The following MUSK variants were observed in gnomAD, a reference collection of about 807,000 sequenced individuals.
MUSK encodes the protein muscle, skeletal receptor tyrosine-protein kinase.
MUSK carries 55 observed loss-of-function variants against 88.7 expected under a neutral mutation model. The observed-to-expected ratio is 0.62, with a 90% confidence interval of 0.50 to 0.78. MUSK has a LOEUF of 0.78. Ranked by LOEUF, MUSK falls within the 30% of genes least tolerant of loss-of-function variation. The pLI is 0.00. For missense variants in MUSK, 1,015 were observed against 1,074.3 expected (o/e 0.94, Z 0.77); for synonymous variants, 387 against 391.9 (o/e 0.99, Z 0.15).
At chr9:110,765,702 T>C (rs1464087436) in intron 8 of MUSK, among the ~76,000 whole-genome samples, 1 of 151,560 alleles carries the variant, frequency 6.6e-6, no homozygotes, top group Admixed American at 6.6e-5. Context: ...GCCCCTCGAG[T>C]AGCTGGGATT....
intron 7 of MUSK, among the ~76,000 whole-genome samples, chr9:110,758,181 C>T (rs947880629): frequency 2.6e-5 from 4 of 152,128 alleles, no homozygotes; most frequent in African/African-American, 9.7e-5. Flanking sequence ...TCAGACTGGT[C>T]TTGAATTCCT....
At position 110,672,620 on chromosome 9, in the gene MUSK, G is replaced by A. The variant is rs369259321; in HGVS notation, c.79+3637G>A. Among the ~76,000 whole-genome samples the A allele has an allele frequency of 8.8e-4, 133 of 151,790 alleles. 3 individuals carry two copies. The South Asian group carries it at 0.022, about 25-fold the overall frequency. ...AGGATATTTAATGCTTGGAAGAGAA[G>A]GTTAAAAAGTTTAAACCAACCCCAA... On this transcript the variant is annotated intron_variant, in intron 1 of 14. Coordinates refer to ENST00000374448, the MANE Select transcript of MUSK (RefSeq NM_005592.4).
chr9:110,752,961 A>T (rs1175946060), intron 7 of MUSK, among the ~76,000 whole-genome samples: 1 of 152,152 alleles, frequency 6.6e-6, no homozygotes, highest in East Asian at 1.9e-4. Flanking sequence ...TCACAACCCC[A>T]TAAAGCCTCA....
chr9:110,711,764 T>C (rs2076674375), intron 5 of MUSK, among the ~76,000 whole-genome samples: 1 of 152,188 alleles, frequency 6.6e-6, no homozygotes, highest in Non-Finnish European at 1.5e-5. Context: ...AATAAGGCCA[T>C]ACTCACTTTG....
At chr9:110,698,655 G>A (rs116450692) in intron 5 of MUSK, among the ~76,000 whole-genome samples, 180 of 151,992 alleles carry the variant, frequency 1.2e-3, no homozygotes, top group African/African-American at 4.1e-3. Flanking sequence ...TTATGTCATT[G>A]TACCAATTGC....
chr9:110,761,511 TTTTC>T lies in MUSK; in HGVS notation c.914-687_914-684del, dbSNP rs200594038. Among the ~76,000 whole-genome samples, 1,043 of 151,784 alleles carry T rather than the reference TTTTC, an allele frequency of 6.9e-3. 11 individuals carry two copies. The highest frequency in any genetic ancestry group is 0.024 in the African/African-American group (1,005 of 41,268). On this transcript the variant is annotated intron_variant, in intron 7 of 14. Coordinates refer to ENST00000374448, the MANE Select transcript of MUSK (RefSeq NM_005592.4). ...CTTTTCTTTTCTCCTTCTCCTTCTT[TTTTC>T]TTTTTTTCCAAGTCTGCTTTATGCA...
intron 6 of MUSK, among the ~76,000 whole-genome samples, chr9:110,740,983 T>C (rs1365770345): frequency 3.3e-5 from 5 of 152,024 alleles, no homozygotes; most frequent in Admixed American, 6.6e-5. Context: ...CTGTCAGGGA[T>C]GGGAGGATGG....
At chr9:110,708,641 A>G (rs940706939) in intron 5 of MUSK, among the ~76,000 whole-genome samples, 2 of 152,196 alleles carry the variant, frequency 1.3e-5, no homozygotes, top group Non-Finnish European at 2.9e-5. Context: ...ATATTATGGT[A>G]TATTATGGTA....
At chr9:110,786,631 G>A (rs1329022527) in intron 13 of MUSK, among the ~76,000 whole-genome samples, 3 of 151,892 alleles carry the variant, frequency 2.0e-5, no homozygotes, top group South Asian at 2.1e-4. Context: ...ATAATATAAT[G>A]TATAGATATT....
Position 110,755,935 on chromosome 9 carries a change from T to TATATATATATATACATATATATAAC in MUSK, c.914-6254_914-6253insCATATATATAACATATATATATATA, listed in dbSNP as rs1564268522. Among the ~76,000 whole-genome samples, 36 of 77,658 alleles carry TATATATATATATACATATATATAAC rather than the reference T, an allele frequency of 4.6e-4. 2 individuals are homozygous for TATATATATATATACATATATATAAC. In the South Asian group the frequency reaches 5.2e-3, roughly 11 times the overall value. The allele number at this position is 77,658 out of a possible 152,430, so 50.9% of individuals were successfully genotyped here. On this transcript the variant is annotated intron_variant, in intron 7 of 14. Coordinates refer to ENST00000374448, the MANE Select transcript of MUSK (RefSeq NM_005592.4). ...GTGCCCAGTGCCATATATATATACATATATATATATATATACACATATATA... is the reference window on the plus strand; with the variant it reads ...GTGCCCAGTGCCATATATATATACATATATATATATATACATATATATAACATATATATATATATACACATATATA...
chr9:110,681,387 C>T (rs1397739841), intron 1 of MUSK, among the ~76,000 whole-genome samples: 2 of 150,710 alleles, frequency 1.3e-5, no homozygotes, highest in Non-Finnish European at 2.9e-5. Context: ...ACATCAGTCA[C>T]TGTGCTCACC....
chr9:110,751,160 C>T (rs2077242548), intron 7 of MUSK, among the ~76,000 whole-genome samples: 1 of 152,164 alleles, frequency 6.6e-6, no homozygotes, highest in African/African-American at 2.4e-5. Context: ...GCCGAGAGGA[C>T]TACAGGGCAT....
chr9:110,701,924 A>G (rs963371228), intron 5 of MUSK, among the ~76,000 whole-genome samples: 2 of 130,640 alleles, frequency 1.5e-5, no homozygotes, highest in Admixed American at 1.7e-4. Context: ...ATTTTATTTT[A>G]TTTCATAGAG....
rs1365571546 is a variant in MUSK at position 110,767,953 on chromosome 9, G to A, written c.1054G>A (p.Val352Ile). The A allele has an allele frequency of 1.2e-6, 2 of 1,613,932 alleles. No homozygotes were observed. Among genetic ancestry groups the A allele is most frequent in the Non-Finnish European group, 1.7e-6 (2 of 1,179,888 alleles). Residue 352 changes from valine (V) to isoleucine (I), a missense_variant, in exon 9 of 15, where the codon GTC (valine) becomes ATC (isoleucine). Physicochemically the swap from Val to Ile is conservative, Grantham distance 29. Transcript: ENST00000374448. ...CCCTGAGGAGGCCCAAGAGCTACTG[G>A]TCCACACGGCCTGGAATGAACTGAA... ...ADPEEAQELL[V>I]HTAWNELKVV...
chr9:110,689,155 A>G (rs1261642867), intron 3 of MUSK, among the ~76,000 whole-genome samples: 1 of 120,328 alleles, frequency 8.3e-6, no homozygotes, highest in Non-Finnish European at 1.6e-5. Flanking sequence ...ATATTTATAT[A>G]AAATATAAAT....
intron 5 of MUSK, among the ~76,000 whole-genome samples, chr9:110,713,269 T>C (rs529846712): frequency 3.3e-5 from 5 of 150,676 alleles, no homozygotes; most frequent in East Asian, 1.9e-4. Flanking sequence ...TTTCTTTTTT[T>C]TTTTTTTTGA....
chr9:110,801,107 G>C lies in MUSK; in HGVS notation c.*119G>C. On this transcript the variant is annotated 3_prime_UTR_variant, in exon 15 of 15. Transcript: ENST00000374448. ...GAAAGAGTAAGAGTAAACATGAGTAGTGTGTTGTTTGCTTCCCAGGGAGAG... is the reference window on the plus strand; with the variant it reads ...GAAAGAGTAAGAGTAAACATGAGTACTGTGTTGTTTGCTTCCCAGGGAGAG... 1.1e-6 allele frequency: 1 copy of C among 920,602 alleles called. No homozygotes were observed. Among genetic ancestry groups the C allele is most frequent in the East Asian group, 2.7e-5 (1 of 36,838 alleles). 57.0% of individuals were successfully genotyped at this position (920,602 alleles called of 1,614,324 possible).
chr9:110,775,797 C>T lies in MUSK; in HGVS notation c.1194C>T (p.Cys398=). 1 of 1,613,750 alleles carries T rather than the reference C, an allele frequency of 6.2e-7. No homozygotes were observed. The highest frequency in any genetic ancestry group is 1.1e-5 in the South Asian group (1 of 91,062). The change falls in exon 10 of 15, where the codon TGC becomes TGT. Residue 398 remains cysteine, a synonymous_variant. Coordinates refer to ENST00000374448, the MANE Select transcript of MUSK (RefSeq NM_005592.4). The part of the protein sequence containing the change: ...PTPIPICREY[C]LAVKELFCAK... The stretch of plus-strand genomic sequence containing the variant: ...CCATATACTATTTTAGAGAGTACTG[C>T]TTGGCAGTAAAGGAGCTCTTCTGCG...
At chr9:110,741,155 G>A (rs956670587) in intron 6 of MUSK, among the ~76,000 whole-genome samples, 1 of 151,950 alleles carries the variant, frequency 6.6e-6, no homozygotes, top group African/African-American at 2.4e-5. Flanking sequence ...CACACACAAA[G>A]GTAACCATGT....
Sources: gnomAD v4.1 joint callset for allele counts (sites outside exome capture counted in the v4.1 genomes callset) on GRCh38, gnomAD v4.1.1 for gene constraint, MANE v1.5 for transcripts, NCBI Gene and HGNC (gene_info 2026-07-23, HGNC 2026-07-21) for gene names.